Variants in MYO1D observed in about 807,000 individuals in gnomAD.
MYO1D encodes unconventional myosin-Id.
MYO1D carries 83 observed loss-of-function variants against 122.0 expected under a neutral mutation model. That is an observed-to-expected ratio of 0.68 (90% CI 0.57 to 0.82). The LOEUF (loss-of-function observed/expected upper bound fraction) is 0.82. MYO1D is among the 40% of genes least tolerant of loss of function. MYO1D has a pLI of 0.00. For missense variants in MYO1D, 1,157 were observed against 1,269.5 expected, an observed-to-expected ratio of 0.91 and a Z score of 1.35; for synonymous variants, 464 against 446.9, an observed-to-expected ratio of 1.04 and a Z score of -0.48.
In MYO1D at chr17:32,702,190, TTC is replaced by T. The variant is rs1330986666; in HGVS notation, c.2121+9796_2121+9797del. On this transcript the variant is annotated intron_variant, in intron 16 of 21. Coordinates refer to ENST00000318217, the MANE Select transcript of MYO1D (RefSeq NM_015194.3). ...AAAAATGATGCTGAGTTTTACATGC[TTC>T]TGTTATTTCCTTTCCCACTATTATA... Among the ~76,000 whole-genome samples the T allele has an allele frequency of 7.2e-5, 11 of 152,182 alleles. 1 individual carries two copies. Among genetic ancestry groups the T allele is most frequent in the Admixed American group, 7.2e-4 (11 of 15,274 alleles).
At chr17:32,730,404 G>A (rs1165204363) in intron 14 of MYO1D, among the ~76,000 whole-genome samples, 1 of 151,912 alleles carries the variant, frequency 6.6e-6, no homozygotes, top group African/African-American at 2.4e-5. Context: ...ATGCATCTAC[G>A]TATTTACCAA....
chr17:32,616,002 A>G (rs2150922165), intron 20 of MYO1D, among the ~76,000 whole-genome samples: 1 of 152,354 alleles, frequency 6.6e-6, no homozygotes, highest in Admixed American at 6.5e-5. Flanking sequence ...GGACCTGTGG[A>G]CAGGAAGCAG....
intron 19 of MYO1D, among the ~76,000 whole-genome samples, chr17:32,650,532 T>C (rs2088374662): frequency 6.6e-6 from 1 of 152,176 alleles, no homozygotes; most frequent in Non-Finnish European, 1.5e-5. Flanking sequence ...GCTGCACCTA[T>C]ATTAGGCCAC....
intron 16 of MYO1D, among the ~76,000 whole-genome samples, chr17:32,689,071 T>A (rs551155453): frequency 2.0e-5 from 3 of 152,190 alleles, no homozygotes. Context: ...TATTATTCTC[T>A]TCTTTAAATT....
intron 1 of MYO1D, among the ~76,000 whole-genome samples, chr17:32,841,811 G>A (rs922776009): frequency 6.6e-6 from 1 of 152,130 alleles, no homozygotes; most frequent in African/African-American, 2.4e-5. Flanking sequence ...TAAAGATGCG[G>A]TCTTTAGATG....
At chr17:32,552,959 G>C (rs1440011650) in intron 21 of MYO1D, among the ~76,000 whole-genome samples, 1 of 152,040 alleles carries the variant, frequency 6.6e-6, no homozygotes. Flanking sequence ...ATGCCAGGCT[G>C]GGCACAGTGA....
chr17:32,750,573 C>A (rs543565306), intron 11 of MYO1D, among the ~76,000 whole-genome samples: 1 of 152,180 alleles, frequency 6.6e-6, no homozygotes, highest in Admixed American at 6.5e-5. Context: ...CGAGATCATG[C>A]CACTGCACTC....
At chr17:32,615,028 T>C in intron 20 of MYO1D, among the ~76,000 whole-genome samples, 1 of 152,244 alleles carries the variant, frequency 6.6e-6, no homozygotes, top group East Asian at 1.9e-4. Context: ...GGCCTCACAG[T>C]GCCTCTTTCA....
chr17:32,630,853 A>G (rs1040949424), intron 20 of MYO1D, among the ~76,000 whole-genome samples: 1 of 152,158 alleles, frequency 6.6e-6, no homozygotes, highest in Non-Finnish European at 1.5e-5. Context: ...GATTACAGGC[A>G]TGAGCCACCA....
intron 21 of MYO1D, among the ~76,000 whole-genome samples, chr17:32,574,509 A>G (rs1421673003): frequency 6.6e-6 from 1 of 151,948 alleles, no homozygotes; most frequent in Non-Finnish European, 1.5e-5. Flanking sequence ...TTTCCTAATC[A>G]TTTTCTTAGT....
chr17:32,550,599 T>C (rs2087004393), intron 21 of MYO1D, among the ~76,000 whole-genome samples: 1 of 152,226 alleles, frequency 6.6e-6, no homozygotes, highest in African/African-American at 2.4e-5. Context: ...ATGTCTTCAT[T>C]CTTTGTAGAT....
At chr17:32,873,186 C>CA (rs1215090966) in intron 1 of MYO1D, among the ~76,000 whole-genome samples, 2 of 151,866 alleles carry the variant, frequency 1.3e-5, no homozygotes, top group Non-Finnish European at 2.9e-5. Context: ...TCCCTCTCTA[C>CA]AAAAAAATGT....
chr17:32,773,485 G>A (rs1209840132), intron 4 of MYO1D, among the ~76,000 whole-genome samples: 1 of 144,036 alleles, frequency 6.9e-6, no homozygotes, highest in Non-Finnish European at 1.5e-5. Context: ...TTGGTGGCAA[G>A]CACCACTTTC....
chr17:32,782,597 A>G (rs2090250002), intron 1 of MYO1D, among the ~76,000 whole-genome samples: 1 of 152,252 alleles, frequency 6.6e-6, no homozygotes, highest in South Asian at 2.1e-4. Context: ...TACTGAAATC[A>G]CAACAATCCT....
intron 21 of MYO1D, chr17:32,531,174 A>C (rs1910497981): frequency 6.6e-6 from 1 of 152,194 alleles, no homozygotes; most frequent in African/African-American, 2.4e-5. Context: ...CCAATCAGAG[A>C]CTTCCGTTGG....
chr17:32,758,810 G>A (rs951351176), intron 10 of MYO1D, among the ~76,000 whole-genome samples: 1 of 152,166 alleles, frequency 6.6e-6, no homozygotes, highest in Non-Finnish European at 1.5e-5. Context: ...GTAAGTAACT[G>A]TTACCTTGGA....
Position 32,778,583 on chromosome 17 carries a change from A to C in MYO1D, c.305-10T>G. 6.2e-7 allele frequency: 1 copy of C among 1,604,780 alleles called. No homozygotes were observed. Among genetic ancestry groups the C allele is most frequent in the Non-Finnish European group, 8.5e-7 (1 of 1,171,588 alleles). On this transcript the variant is annotated splice_polypyrimidine_tract_variant and intron_variant, in intron 2 of 21. Coordinates refer to ENST00000318217, the MANE Select transcript of MYO1D (RefSeq NM_015194.3). ...CCAGCTCCACTTTCCCCTGGGGGGA[A>C]AAATTGTTCAGGGCTTAACATAATA...
At chr17:32,859,392 T>C (rs2091051627) in intron 1 of MYO1D, among the ~76,000 whole-genome samples, 1 of 152,182 alleles carries the variant, frequency 6.6e-6, no homozygotes, top group African/African-American at 2.4e-5. Context: ...ATGCTCTTTT[T>C]CCATACTCAG....
intron 21 of MYO1D, among the ~76,000 whole-genome samples, chr17:32,514,915 G>C (rs1349310009): frequency 6.6e-6 from 1 of 152,240 alleles, no homozygotes; most frequent in Non-Finnish European, 1.5e-5. Context: ...GGAATCAATA[G>C]TTTAGGGTTC....
Sources: gnomAD v4.1 joint callset for allele counts (sites outside exome capture counted in the v4.1 genomes callset) on GRCh38, gnomAD v4.1.1 for gene constraint, MANE v1.5 for transcripts, NCBI Gene and HGNC (gene_info 2026-07-23, HGNC 2026-07-21) for gene names.